The following AMBRA1 variants were observed in gnomAD, a reference collection of about 807,000 sequenced individuals.
The protein encoded by AMBRA1 is autophagy and beclin 1 regulator 1, also known as activating molecule in BECN1-regulated autophagy protein 1.
AMBRA1 carries 47 observed loss-of-function variants against 125.4 expected under a neutral mutation model. The ratio of observed to expected loss-of-function variants is 0.37; its 90% CI spans 0.30 to 0.48. The LOEUF (loss-of-function observed/expected upper bound fraction) is 0.48, where lower values mean the gene tolerates loss of function less well. Ranked by LOEUF, AMBRA1 falls within the 20% of genes least tolerant of loss-of-function variation. AMBRA1 has a pLI of 0.99. For synonymous variants in AMBRA1, 626 were observed against 655.5 expected (o/e 0.95, Z 0.69); for missense variants, 1,331 against 1,693.4 (o/e 0.79, Z 3.76).
intron 12 of AMBRA1, among the ~76,000 whole-genome samples, chr11:46,442,524 G>A (rs79402106): frequency 0.01 from 1,557 of 152,214 alleles, 26 homozygotes; most frequent in African/African-American, 0.035. Flanking sequence ...CAGTCAAGCA[G>A]AGGCTGGACC....
intron 14 of AMBRA1, among the ~76,000 whole-genome samples, chr11:46,419,191 C>T (rs1946722804): frequency 6.6e-6 from 1 of 152,116 alleles, no homozygotes; most frequent in Admixed American, 6.5e-5. Flanking sequence ...TTCTCTTTTT[C>T]CAAGCTAATA....
chr11:46,592,632 C>T (rs1416391455), intron 1 of AMBRA1, among the ~76,000 whole-genome samples: 1 of 152,072 alleles, frequency 6.6e-6, no homozygotes, highest in African/African-American at 2.4e-5. Context: ...GTGGCGCGCG[C>T]CGGTACTTCC....
chr11:46,493,348 GAAACAAATGGTTT>G (rs1388962657), intron 11 of AMBRA1, among the ~76,000 whole-genome samples: 1 of 151,880 alleles, frequency 6.6e-6, no homozygotes, highest in East Asian at 1.9e-4. Flanking sequence ...GCTGGATTAA[GAAACAAATGGTTT>G]AAACAAATAA....
Position 46,557,314 on chromosome 11 carries a change from AAAAG to A in AMBRA1, c.-120-8818_-120-8815del, listed in dbSNP as rs1393231887. On this transcript the variant is annotated intron_variant, in intron 1 of 17. Coordinates refer to ENST00000683756, the MANE Select transcript of AMBRA1 (RefSeq NM_001387011.1). ...AGACTCCATCTCAAAAAAAAAAAAA[AAAAG>A]AAAGAAAGAAAATGGTAATAAGAAC... Among the ~76,000 whole-genome samples, 17 of 151,664 alleles carry A rather than the reference AAAAG, an allele frequency of 1.1e-4. No individual in the cohort carries two copies. In the East Asian group the frequency reaches 2.7e-3, roughly 24 times the overall value.
At chr11:46,482,836 C>T (rs1454544069) in intron 11 of AMBRA1, among the ~76,000 whole-genome samples, 1 of 151,792 alleles carries the variant, frequency 6.6e-6, no homozygotes, top group Non-Finnish European at 1.5e-5. Context: ...CAGTGAAACC[C>T]CATCTCTACT....
rs528397417 is a variant in AMBRA1 at position 46,511,078 on chromosome 11, GATTT to G, written c.2159+1645_2159+1648del. ...AAAGATCACAGTAGGATAAATAACA[GATTT>G]ATTATATAAAAGGAGGATAAATCAT... On this transcript the variant is annotated intron_variant, in intron 8 of 17. Transcript: ENST00000683756. Among the ~76,000 whole-genome samples, 199 of 152,264 alleles carry G rather than the reference GATTT, an allele frequency of 1.3e-3. No individual in the cohort carries two copies. In the Middle Eastern group the frequency reaches 0.017, roughly 13 times the overall value.
intron 1 of AMBRA1, among the ~76,000 whole-genome samples, chr11:46,587,657 CCTT>C (rs888122876): frequency 6.6e-6 from 1 of 152,142 alleles, no homozygotes; most frequent in South Asian, 2.1e-4. Context: ...TCGCCTCACT[CCTT>C]CTTCCCTCTG....
chr11:46,517,369 A>C (rs112748031), intron 7 of AMBRA1, among the ~76,000 whole-genome samples: 1,737 of 149,988 alleles, frequency 0.012, 42 homozygotes, highest in African/African-American at 0.041. Flanking sequence ...AGCTGGTCTC[A>C]ATCTTCTGAC....
intron 11 of AMBRA1, among the ~76,000 whole-genome samples, chr11:46,471,784 T>C (rs1007242197): frequency 6.6e-6 from 1 of 151,728 alleles, no homozygotes; most frequent in African/African-American, 2.4e-5. Context: ...CGCGTCACCA[T>C]GCCCAGCTAA....
intron 11 of AMBRA1, among the ~76,000 whole-genome samples, chr11:46,485,858 T>C (rs1950251707): frequency 6.6e-6 from 1 of 152,178 alleles, no homozygotes; most frequent in African/African-American, 2.4e-5. Flanking sequence ...CTGGGCCCCA[T>C]GTTCTCAATA....
chr11:46,417,937 C>G lies in AMBRA1; in HGVS notation c.3092G>C (p.Gly1031Ala). 1 of 1,610,846 alleles carries G rather than the reference C, an allele frequency of 6.2e-7. No individual in the cohort carries two copies. The highest frequency in any genetic ancestry group is 8.5e-7 in the Non-Finnish European group (1 of 1,177,662). Reference sequence around the variant, plus strand: ...CTCTGGTCGGCAGATCACCAGGTCTCCTTTGTTAGTACCATAGGCCAAGCC... The same window carrying G: ...CTCTGGTCGGCAGATCACCAGGTCTGCTTTGTTAGTACCATAGGCCAAGCC... ...GLGLAYGTNK[G>A]DLVICRPEAL... Residue 1031 changes from glycine to alanine, a missense_variant, in exon 15 of 18, where the codon GGA (glycine) becomes GCA (alanine). Around this residue, in one of 4 missense-constraint regions of AMBRA1, gnomAD observed 354 missense variants for 532.7 expected, o/e 0.66. Transcript: ENST00000683756.
At chr11:46,566,494 G>A (rs2043538016) in intron 1 of AMBRA1, among the ~76,000 whole-genome samples, 1 of 151,774 alleles carries the variant, frequency 6.6e-6, no homozygotes, top group Non-Finnish European at 1.5e-5. Context: ...GAGTGAAAAA[G>A]GCCAATCCAA....
At chr11:46,470,621 G>C (rs571341222) in intron 11 of AMBRA1, among the ~76,000 whole-genome samples, 1 of 150,702 alleles carries the variant, frequency 6.6e-6, no homozygotes, top group Non-Finnish European at 1.5e-5. Flanking sequence ...AATTAGCCAG[G>C]TGTGGCACCA....
chr11:46,494,062 T>C (rs765634058), intron 10 of AMBRA1, 62 bp downstream of exon 10: 45 of 1,469,300 alleles, frequency 3.1e-5, no homozygotes, highest in Admixed American at 5.9e-5. Context: ...AGAAAGTAGG[T>C]TTAAAACTAA....
intron 17 of AMBRA1, among the ~76,000 whole-genome samples, chr11:46,401,647 G>A (rs1037957812): frequency 2.2e-4 from 34 of 152,196 alleles, no homozygotes; most frequent in African/African-American, 8.2e-4. Context: ...GGCTCTGCGG[G>A]AGGCCCTGCT....
intron 7 of AMBRA1, among the ~76,000 whole-genome samples, chr11:46,538,776 G>C (rs1565267582): frequency 6.6e-6 from 1 of 152,132 alleles, no homozygotes; most frequent in Non-Finnish European, 1.5e-5. Context: ...GGGATTACAG[G>C]CGTGAGCCAC....
At chr11:46,466,434 G>A (rs1949326896) in intron 11 of AMBRA1, among the ~76,000 whole-genome samples, 1 of 152,160 alleles carries the variant, frequency 6.6e-6, no homozygotes, top group Non-Finnish European at 1.5e-5. Flanking sequence ...GGCACCAATG[G>A]CTACCTGAGA....
intron 14 of AMBRA1, among the ~76,000 whole-genome samples, chr11:46,427,523 A>C (rs1375428317): frequency 6.6e-6 from 1 of 152,206 alleles, no homozygotes; most frequent in East Asian, 1.9e-4. Flanking sequence ...CTTAGCGCGC[A>C]GAGTCATCAG....
chr11:46,556,966 G>A (rs1355225732), intron 1 of AMBRA1, among the ~76,000 whole-genome samples: 2 of 151,954 alleles, frequency 1.3e-5, no homozygotes, highest in Non-Finnish European at 2.9e-5. Flanking sequence ...GAGAAACCCT[G>A]TCTCTATTAA....
Sources: gnomAD v4.1 joint callset for allele counts (sites outside exome capture counted in the v4.1 genomes callset) on GRCh38, gnomAD v4.1.1 for gene constraint, gnomAD v4.1.1 regional missense constraint, MANE v1.5 for transcripts, NCBI Gene and HGNC (gene_info 2026-07-23, HGNC 2026-07-21) for gene names.